Variants in SH3PXD2A observed in about 807,000 individuals in gnomAD.
SH3PXD2A encodes the protein SH3 and PX domain-containing protein 2A.
SH3PXD2A carries 32 observed loss-of-function variants against 115.2 expected under a neutral mutation model. The observed-to-expected ratio is 0.28, with a 90% CI of 0.21 to 0.37. The LOEUF (loss-of-function observed/expected upper bound fraction) is 0.37. Ranked by LOEUF, SH3PXD2A falls within the 10% of genes least tolerant of loss-of-function variation. SH3PXD2A has a pLI of 1.00. For missense variants in SH3PXD2A, 1,328 were observed against 1,498.7 expected, an observed-to-expected ratio of 0.89 and a Z score of 1.88; for synonymous variants, 610 against 629.1, an observed-to-expected ratio of 0.97 and a Z score of 0.45.
intron 8 of SH3PXD2A, among the ~76,000 whole-genome samples, chr10:103,644,332 C>A (rs1316415480): frequency 6.6e-6 from 1 of 151,984 alleles, no homozygotes; most frequent in Non-Finnish European, 1.5e-5. Context: ...GTAATCCCAG[C>A]ACTTTGGGAG....
intron 5 of SH3PXD2A, among the ~76,000 whole-genome samples, chr10:103,697,765 C>T (rs2037842059): frequency 6.6e-6 from 1 of 152,168 alleles, no homozygotes; most frequent in African/African-American, 2.4e-5. Context: ...TGCTCCCTCC[C>T]CGGATGCTCT....
At chr10:103,782,593 C>T (rs1258880484) in intron 2 of SH3PXD2A, among the ~76,000 whole-genome samples, 3 of 152,014 alleles carry the variant, frequency 2.0e-5, no homozygotes, top group African/African-American at 7.3e-5. Flanking sequence ...AGGTACTGTT[C>T]TAGGCATCGG....
rs112864693 is a variant in SH3PXD2A, at chr10:103,807,569, T to C, written c.73-6207A>G. 3.9e-3 allele frequency among the ~76,000 whole-genome samples: 589 copies of C among 152,354 alleles called. 1 individual carries two copies. Among genetic ancestry groups the C allele is most frequent in the African/African-American group, 0.013 (537 of 41,592 alleles). On this transcript the variant is annotated intron_variant, in intron 1 of 14. Transcript: ENST00000369774. ...AGTTGTTCACTGCCCAGTGGTTGCC[T>C]GGTCAAGTGGACATGTAGGTGTGAA... is the stretch of plus-strand genomic sequence containing the variant.
chr10:103,700,025 A>C (rs2037873787), intron 5 of SH3PXD2A, among the ~76,000 whole-genome samples: 1 of 152,228 alleles, frequency 6.6e-6, no homozygotes, highest in South Asian at 2.1e-4. Context: ...TCTCCTGAAC[A>C]TCCCAGAGGG....
At position 103,741,686 on chromosome 10, in the gene SH3PXD2A, A is replaced by C. The variant is rs78705294; in HGVS notation, c.230-5878T>G. 4.5e-3 allele frequency among the ~76,000 whole-genome samples: 681 copies of C among 152,298 alleles called. 8 individuals carry two copies. Among genetic ancestry groups the C allele is most frequent in the African/African-American group, 0.016 (653 of 41,560 alleles). The stretch of plus-strand genomic sequence containing the variant: ...GAGACTTGCCTAAGAAACAAGGGAG[A>C]GCACAGGTGGGCCTGGAGCCCACAG... On this transcript the variant is annotated intron_variant, in intron 3 of 14. Transcript: ENST00000369774.
At chr10:103,815,761 C>G (rs566341632) in intron 1 of SH3PXD2A, among the ~76,000 whole-genome samples, 1 of 151,734 alleles carries the variant, frequency 6.6e-6, no homozygotes, top group East Asian at 1.9e-4. Context: ...TGGTGGCACA[C>G]GCCTGTAATC....
chr10:103,855,425 A>G lies in SH3PXD2A; in HGVS notation c.-159T>C, dbSNP rs928138180. On this transcript the variant is annotated 5_prime_UTR_variant, in exon 1 of 15. Coordinates refer to ENST00000369774, the MANE Select transcript of SH3PXD2A (RefSeq NM_001394015.1). ...CTCCCGGCGCCCACAGGTCCGGCCC[A>G]GGGACGGGGGAGGGTCCCGGAGGGC... 11 of 396,652 alleles carry G rather than the reference A, an allele frequency of 2.8e-5. No homozygotes were observed. Among genetic ancestry groups the G allele is most frequent in the Admixed American group, 5.1e-5 (1 of 19,786 alleles). The allele number at this position is 396,652 out of a possible 1,614,324, so 24.6% of individuals were successfully genotyped here. A position where few individuals can be genotyped will look rare whatever the true frequency, so the allele number is the denominator to read the frequency against.
In SH3PXD2A at chr10:103,756,583, C is replaced by A. The variant is rs116930368; in HGVS notation, c.229+10511G>T. ...CACCTTTCATATGCTCCAAAGGCTT[C>A]GGCCACCTCAGGGAGGAGGGAGGAA... On this transcript the variant is annotated intron_variant, in intron 3 of 14. Coordinates refer to ENST00000369774, the MANE Select transcript of SH3PXD2A (RefSeq NM_001394015.1). This position sits in a 1 kb window ranked among gnomAD's most constrained non-coding sequence, Gnocchi z 4.4. Among the ~76,000 whole-genome samples the A allele has an allele frequency of 8.4e-3, 1,284 of 152,224 alleles. 6 individuals carry two copies. Among genetic ancestry groups the A allele is most frequent in the Middle Eastern group, 0.031 (9 of 294 alleles).
At chr10:103,847,990 G>A (rs1397864493) in intron 1 of SH3PXD2A, among the ~76,000 whole-genome samples, 3 of 147,052 alleles carry the variant, frequency 2.0e-5, no homozygotes, top group Non-Finnish European at 4.4e-5. Context: ...TGAAGTAGAA[G>A]GCAACATTAG....
chr10:103,841,675 A>G (rs148407193), intron 1 of SH3PXD2A, among the ~76,000 whole-genome samples: 484 of 152,100 alleles, frequency 3.2e-3, no homozygotes, highest in African/African-American at 0.011. Context: ...CACTCCACTC[A>G]GGCCACACCA....
At position 103,596,663 on chromosome 10, in the gene SH3PXD2A, A is replaced by ACACACACACACACACACACACCCT; in HGVS notation, c.*5152_*5153insAGGGTGTGTGTGTGTGTGTGTGTG. 8.0e-6 allele frequency: 1 copy of ACACACACACACACACACACACCCT among 124,440 alleles called. No individual in the cohort carries two copies. Among genetic ancestry groups the ACACACACACACACACACACACCCT allele is most frequent in the Non-Finnish European group, 1.7e-5 (1 of 59,982 alleles). 7.7% of individuals were successfully genotyped at this position (124,440 alleles called of 1,614,324 possible). On this transcript the variant is annotated 3_prime_UTR_variant, in exon 15 of 15. Transcript: ENST00000369774. The stretch of plus-strand genomic sequence containing the variant: ...CACACACACACACACACACACACAC[A>ACACACACACACACACACACACCCT]CTCTCTCTCTCTCTCTCTCTCTCAC...
At position 103,855,390 on chromosome 10, in the gene SH3PXD2A, G is replaced by T. The variant is rs1359569045; in HGVS notation, c.-124C>A. 4.4e-6 allele frequency: 3 copies of T among 677,458 alleles called. No individual in the cohort carries two copies. Among genetic ancestry groups the T allele is most frequent in the Non-Finnish European group, 6.7e-6 (3 of 448,850 alleles). 42.0% of individuals were successfully genotyped at this position (677,458 alleles called of 1,614,324 possible). A position where few individuals can be genotyped will look rare whatever the true frequency, so the allele number is the denominator to read the frequency against. ...GCCACCCCGGCCCGGCGCGCCGAAC[G>T]CTGCCCGGACTCCCGGCGCCCACAG... On this transcript the variant is annotated 5_prime_UTR_variant, in exon 1 of 15. Transcript: ENST00000369774.
chr10:103,791,727 C>A lies in SH3PXD2A; in HGVS notation c.153+9555G>T, dbSNP rs113370620. ...AGTTGCTCTGGACCTGAGAGGCCCCCACAAGCACAGGGGTCTTCCTAAACC... is the reference window on the plus strand; with the variant it reads ...AGTTGCTCTGGACCTGAGAGGCCCCAACAAGCACAGGGGTCTTCCTAAACC... On this transcript the variant is annotated intron_variant, in intron 2 of 14. Transcript: ENST00000369774. Among the ~76,000 whole-genome samples, 520 of 152,112 alleles carry A rather than the reference C, an allele frequency of 3.4e-3. 5 individuals are homozygous for A. The highest frequency in any genetic ancestry group is 4.5e-3 in the Non-Finnish European group (307 of 68,000).
At chr10:103,741,871 A>T (rs2038447349) in intron 3 of SH3PXD2A, among the ~76,000 whole-genome samples, 1 of 152,324 alleles carries the variant, frequency 6.6e-6, no homozygotes, top group East Asian at 1.9e-4. Flanking sequence ...TTGGCAGACC[A>T]TGGTGGCTCA....
At chr10:103,737,984 TCTGCCCCCACACTACATG>T (rs931723171) in intron 3 of SH3PXD2A, among the ~76,000 whole-genome samples, 2 of 152,196 alleles carry the variant, frequency 1.3e-5, no homozygotes, top group Non-Finnish European at 2.9e-5. Context: ...ACCCCTCCTG[TCTGCCCCCACACTACATG>T]GAGCACTAGG....
intron 8 of SH3PXD2A, among the ~76,000 whole-genome samples, chr10:103,659,535 C>A (rs895009808): frequency 2.6e-5 from 4 of 152,118 alleles, no homozygotes; most frequent in Non-Finnish European, 4.4e-5. Context: ...GCTTACTTTG[C>A]GGGCAGGGAC....
At chr10:103,637,631 C>T (rs1490773847) in intron 8 of SH3PXD2A, among the ~76,000 whole-genome samples, 1 of 152,178 alleles carries the variant, frequency 6.6e-6, no homozygotes, top group Non-Finnish European at 1.5e-5. Flanking sequence ...TGAGCTCAGA[C>T]CTTGACCCTT....
chr10:103,844,863 C>T, intron 1 of SH3PXD2A, among the ~76,000 whole-genome samples: 1 of 152,170 alleles, frequency 6.6e-6, no homozygotes, highest in South Asian at 2.1e-4. Context: ...TATGTGGTAG[C>T]TGTGTCAGAG....
chr10:103,822,728 G>A (rs774780769), intron 1 of SH3PXD2A, among the ~76,000 whole-genome samples: 37 of 152,008 alleles, frequency 2.4e-4, no homozygotes, highest in Non-Finnish European at 4.7e-4. Flanking sequence ...TCTCTCCAAG[G>A]AACAATCCTC....
Sources: gnomAD v4.1 joint callset for allele counts (sites outside exome capture counted in the v4.1 genomes callset) on GRCh38, gnomAD v4.1.1 for gene constraint, Gnocchi (gnomAD v3.1) non-coding constraint, MANE v1.5 for transcripts, NCBI Gene and HGNC (gene_info 2026-07-23, HGNC 2026-07-21) for gene names.